SLC26A7: variants seen among roughly 807,000 people sequenced by gnomAD.
SLC26A7 encodes solute carrier family 26 member 7, also known as anion exchange transporter.
In SLC26A7, 59 loss-of-function variants were observed where a neutral mutation model predicts 82.5. The observed-to-expected ratio is 0.72, with a 90% confidence interval of 0.58 to 0.89. SLC26A7 has a LOEUF of 0.89. Among genes scored for constraint, SLC26A7 ranks in the 40% least tolerant of loss-of-function variants. The probability of loss-of-function intolerance (pLI) is 0.00; values close to 1 mark genes in which losing one functional copy is unlikely to be tolerated. For synonymous variants in SLC26A7, 271 were observed against 274.3 expected (o/e 0.99, Z 0.12); for missense variants, 820 against 793.0 (o/e 1.03, Z -0.41).
chr8:91,258,991 A>G (rs1161610289), intron 2 of SLC26A7, among the ~76,000 whole-genome samples: 1 of 152,046 alleles, frequency 6.6e-6, no homozygotes, highest in African/African-American at 2.4e-5. Context: ...CCCTTGCTTC[A>G]CATGATCTCC....
intron 2 of SLC26A7, among the ~76,000 whole-genome samples, chr8:91,229,200 T>C (rs1810280269): frequency 6.6e-6 from 1 of 152,196 alleles, no homozygotes; most frequent in African/African-American, 2.4e-5. Context: ...CCACAACCTT[T>C]AGGAAGTCCC....
At chr8:91,269,694 A>T (rs2130732042) in intron 2 of SLC26A7, among the ~76,000 whole-genome samples, 1 of 152,174 alleles carries the variant, frequency 6.6e-6, no homozygotes, top group Admixed American at 6.5e-5. Flanking sequence ...TTCAGCCATT[A>T]ATTTCTTAAA....
intron 2 of SLC26A7, among the ~76,000 whole-genome samples, chr8:91,250,585 T>A (rs1323029643): frequency 1.3e-5 from 2 of 152,140 alleles, no homozygotes; most frequent in African/African-American, 2.4e-5. Context: ...AGTTCTTGGC[T>A]AATTCAAATA....
intron 2 of SLC26A7, among the ~76,000 whole-genome samples, chr8:91,264,526 C>T (rs1811055848): frequency 6.6e-6 from 1 of 151,942 alleles, no homozygotes; most frequent in Admixed American, 6.6e-5. Flanking sequence ...TATACCTGAG[C>T]CTCCTGGAAG....
intron 14 of SLC26A7, among the ~76,000 whole-genome samples, chr8:91,367,385 G>A (rs1333260788): frequency 1.3e-5 from 2 of 152,168 alleles, no homozygotes; most frequent in Non-Finnish European, 2.9e-5. Flanking sequence ...TGACTTCAGA[G>A]ACGCATAAAC....
chr8:91,336,063 G>A (rs1412804618), intron 6 of SLC26A7, among the ~76,000 whole-genome samples: 1 of 152,142 alleles, frequency 6.6e-6, no homozygotes, highest in African/African-American at 2.4e-5. Context: ...ACCCTGGGAG[G>A]ATGGACTTCC....
intron 6 of SLC26A7, among the ~76,000 whole-genome samples, chr8:91,336,119 G>T (rs139742901): frequency 6.6e-6 from 1 of 152,178 alleles, no homozygotes; most frequent in African/African-American, 2.4e-5. Flanking sequence ...GGCAGGAAAT[G>T]TTAGATTCTT....
intron 2 of SLC26A7, among the ~76,000 whole-genome samples, chr8:91,244,083 A>T (rs1390590773): frequency 6.6e-6 from 1 of 152,210 alleles, no homozygotes; most frequent in Non-Finnish European, 1.5e-5. Flanking sequence ...GGATTGCTAA[A>T]GCAAGTTACA....
intron 3 of SLC26A7, among the ~76,000 whole-genome samples, chr8:91,291,172 G>A (rs1811858178): frequency 6.6e-6 from 1 of 151,978 alleles, no homozygotes; most frequent in Non-Finnish European, 1.5e-5. Context: ...TTTTGTTCTA[G>A]CATAAGCCTT....
At chr8:91,247,628 G>A (rs1810563260), upstream of SLC26A7, among the ~76,000 whole-genome samples, 1 of 152,012 alleles carries the variant, frequency 6.6e-6, no homozygotes, top group South Asian at 2.1e-4. Flanking sequence ...GAACTATTTT[G>A]TTAATTTCTA....
chr8:91,333,640 G>A (rs1383478233), intron 5 of SLC26A7, among the ~76,000 whole-genome samples: 1 of 152,094 alleles, frequency 6.6e-6, no homozygotes, highest in Non-Finnish European at 1.5e-5. Context: ...CATGTCCATA[G>A]CACTGCTTGC....
chr8:91,299,308 A>G (rs1314912626), intron 4 of SLC26A7, among the ~76,000 whole-genome samples: 3 of 152,072 alleles, frequency 2.0e-5, no homozygotes, highest in Admixed American at 1.3e-4. Flanking sequence ...TGTGTTGTCA[A>G]ATTTATCAGT....
At chr8:91,356,782 T>C (rs1252520454) in intron 11 of SLC26A7, among the ~76,000 whole-genome samples, 1 of 152,198 alleles carries the variant, frequency 6.6e-6, no homozygotes, top group East Asian at 1.9e-4. Flanking sequence ...GCTTTTGGTG[T>C]TTTTTATTCA....
At chr8:91,288,978 T>G (rs1398076316) in intron 2 of SLC26A7, among the ~76,000 whole-genome samples, 158 bp from the exon 3 acceptor site, 1 of 152,124 alleles carries the variant, frequency 6.6e-6, no homozygotes, top group East Asian at 1.9e-4. Context: ...AAGCGTGAAT[T>G]TTCTTTTATT....
intron 3 of SLC26A7, among the ~76,000 whole-genome samples, chr8:91,294,136 A>G (rs1360148283): frequency 1.3e-5 from 2 of 152,234 alleles, no homozygotes; most frequent in African/African-American, 4.8e-5. Context: ...ACTCTATGGA[A>G]CAGAGAAAAA....
rs757365844 is a variant in SLC26A7, at chr8:91,366,651, T to C, written c.1560T>C (p.Tyr520=). ...PLVFLNAKKF[Y]TDLMNMIQKE... ...TTTTCCTGAATGCAAAAAAATTTTA[T>C]ACTGATTTAATGAACATGATCCAAA... Residue 520 remains tyrosine (Y), a synonymous_variant, in exon 14 of 19, where the codon TAT becomes TAC. Transcript: ENST00000276609. 4 of 1,613,760 alleles carry C rather than the reference T, an allele frequency of 2.5e-6. No homozygotes were observed. The highest frequency in any genetic ancestry group is 3.4e-6 in the Non-Finnish European group (4 of 1,179,866).
chr8:91,274,265 G>C (rs117348481), intron 2 of SLC26A7, among the ~76,000 whole-genome samples: 2 of 152,120 alleles, frequency 1.3e-5, no homozygotes, highest in African/African-American at 4.8e-5. Context: ...ACTCCACAAA[G>C]ACAAAGATTT....
intron 15 of SLC26A7, among the ~76,000 whole-genome samples, chr8:91,382,259 A>T (rs961757219): frequency 6.6e-6 from 1 of 152,158 alleles, no homozygotes; most frequent in Non-Finnish European, 1.5e-5. Context: ...TTTCCTTCTG[A>T]GGATCAAGTA....
intron 2 of SLC26A7, among the ~76,000 whole-genome samples, chr8:91,251,601 A>AAC (rs1485110136): frequency 2.0e-5 from 3 of 152,100 alleles, no homozygotes; most frequent in African/African-American, 7.2e-5. Flanking sequence ...CATTTGTTGT[A>AAC]AGAGGCAATG....
Sources: gnomAD v4.1 joint callset for allele counts (sites outside exome capture counted in the v4.1 genomes callset) on GRCh38, gnomAD v4.1.1 for gene constraint, MANE v1.5 for transcripts, NCBI Gene and HGNC (gene_info 2026-07-23, HGNC 2026-07-21) for gene names.